ADGRG7: variants seen among roughly 807,000 people sequenced by gnomAD.
ADGRG7 encodes G-protein coupled receptor 128.
A neutral mutation model predicts 88.6 loss-of-function variants in ADGRG7; 82 were observed. The ratio of observed to expected loss-of-function variants is 0.93; its 90% CI spans 0.77 to 1.11. The LOEUF (loss-of-function observed/expected upper bound fraction) is 1.11. ADGRG7 is among the 50% of genes most tolerant of loss of function. ADGRG7 has a pLI of 0.00. For missense variants in ADGRG7, 945 were observed against 953.4 expected (o/e 0.99, Z 0.12); for synonymous variants, 381 against 345.2 (o/e 1.10, Z -1.15).
chr3:100,616,068 C>A (rs1406894799), intron 1 of ADGRG7, among the ~76,000 whole-genome samples: 3 of 152,134 alleles, frequency 2.0e-5, no homozygotes, highest in Non-Finnish European at 4.4e-5. Context: ...TCTGTCCTAC[C>A]TATACAGTAT....
At chr3:100,674,212 G>A (rs1469925682) in intron 15 of ADGRG7, among the ~76,000 whole-genome samples, 1 of 152,178 alleles carries the variant, frequency 6.6e-6, no homozygotes, top group Admixed American at 6.5e-5. Flanking sequence ...GTAATTTGAA[G>A]TCAAGTAATG....
chr3:100,643,326 T>G lies in ADGRG7; in HGVS notation c.759T>G (p.Pro253=). 6.2e-7 allele frequency: 1 copy of G among 1,614,076 alleles called. No individual in the cohort carries two copies. Among genetic ancestry groups the G allele is most frequent in the Non-Finnish European group, 8.5e-7 (1 of 1,179,918 alleles). Reference sequence around the variant, plus strand: ...TGGGTAATCAATCAGTGGTGGAACCTAACATAGCAATACAGTCAGCAAATT... The same window carrying G: ...TGGGTAATCAATCAGTGGTGGAACCGAACATAGCAATACAGTCAGCAAATT... The part of the protein sequence containing the change: ...LSLGNQSVVE[P]NIAIQSANFS... The change falls in exon 7 of 16, where the codon CCT becomes CCG. Residue 253 remains proline, a synonymous_variant. Coordinates refer to ENST00000273352, the MANE Select transcript of ADGRG7 (RefSeq NM_032787.3).
intron 13 of ADGRG7, 35 bp from the exon 14 acceptor site, chr3:100,659,653 T>C (rs2094942480): frequency 6.2e-7 from 1 of 1,604,896 alleles, no homozygotes; most frequent in African/African-American, 1.3e-5. Flanking sequence ...ATACCTTTCT[T>C]AGTCTGCTGA....
chr3:100,676,526 C>T (rs778836556), intron 15 of ADGRG7, among the ~76,000 whole-genome samples: 2 of 152,024 alleles, frequency 1.3e-5, no homozygotes, highest in Non-Finnish European at 2.9e-5. Flanking sequence ...AACATATGGT[C>T]TATATTTGAG....
intron 15 of ADGRG7, among the ~76,000 whole-genome samples, chr3:100,671,801 A>C (rs754090322): frequency 5.6e-4 from 86 of 152,274 alleles, no homozygotes; most frequent in Middle Eastern, 3.4e-3. Context: ...AGCACCATTT[A>C]TTAAATAGGG....
intron 15 of ADGRG7, among the ~76,000 whole-genome samples, chr3:100,683,195 G>T (rs1217711601): frequency 6.6e-6 from 1 of 152,208 alleles, no homozygotes; most frequent in Admixed American, 6.5e-5. Flanking sequence ...CATTCTGGAT[G>T]CAGGACAAGA....
Position 100,654,902 on chromosome 3 carries a change from C to A in ADGRG7, c.1447C>A (p.Leu483Ile). ...GTGCATATCAATGTTGATTTTCAAC[C>A]TCCTCTTTGTGTTTGGAATTGAAAA... ...NLCISMLIFN[L>I]LFVFGIENSN... The change falls in exon 12 of 16, where the codon CTC becomes ATC. Residue 483 changes from leucine to isoleucine, a missense_variant. By Grantham distance (5) the Leu-to-Ile change is conservative. Transcript: ENST00000273352. The A allele has an allele frequency of 6.2e-7, 1 of 1,613,814 alleles. No homozygotes were observed.
intron 5 of ADGRG7, among the ~76,000 whole-genome samples, chr3:100,636,468 C>T (rs1576318879): frequency 6.6e-6 from 1 of 152,084 alleles, no homozygotes; most frequent in Non-Finnish European, 1.5e-5. Context: ...TTTTAATTTG[C>T]TAAACCCTGG....
At chr3:100,654,570 G>C (rs2094934943) in intron 11 of ADGRG7, 1 of 291,900 alleles carries the variant, frequency 3.4e-6, no homozygotes, top group Non-Finnish European at 6.3e-6. Flanking sequence ...TTGGAGATTA[G>C]CTATCACTTT....
chr3:100,629,645 G>C lies in ADGRG7; in HGVS notation c.163G>C (p.Gly55Arg). ...SSTPTEFCRNGGTWENGRCIC... is the reference protein window; with the variant it reads ...SSTPTEFCRNRGTWENGRCIC... ...CACCCCTACAGAGTTCTGCAGGAAT[G>C]GTGGAACCTGGGAAAATGGCAGATG... The change falls in exon 2 of 16, where the codon GGT (glycine) becomes CGT (arginine). Residue 55 changes from glycine to arginine, a missense_variant. By Grantham distance (125) the Gly-to-Arg change is moderately radical (BLOSUM62 -2). Transcript: ENST00000273352. 3 of 1,613,348 alleles carry C rather than the reference G, an allele frequency of 1.9e-6. No homozygotes were observed. The highest frequency in any genetic ancestry group is 2.5e-6 in the Non-Finnish European group (3 of 1,179,478).
intron 10 of ADGRG7, among the ~76,000 whole-genome samples, chr3:100,649,165 G>A (rs2094924185): frequency 6.6e-6 from 1 of 152,146 alleles, no homozygotes; most frequent in Admixed American, 6.5e-5. Flanking sequence ...TAGACATCAA[G>A]GAAAAGTATA....
At chr3:100,647,751 A>G (rs113700552) in intron 10 of ADGRG7, among the ~76,000 whole-genome samples, 1 of 152,324 alleles carries the variant, frequency 6.6e-6, no homozygotes, top group African/African-American at 2.4e-5. Flanking sequence ...TTTTTTATAC[A>G]CAATGGAATG....
intron 4 of ADGRG7, among the ~76,000 whole-genome samples, chr3:100,635,161 C>T (rs1403499370): frequency 6.6e-6 from 1 of 152,056 alleles, no homozygotes; most frequent in Non-Finnish European, 1.5e-5. Flanking sequence ...CAGTGCCTTC[C>T]AAACTACCAG....
chr3:100,613,485 C>T (rs939068051), intron 1 of ADGRG7, among the ~76,000 whole-genome samples: 1 of 151,890 alleles, frequency 6.6e-6, no homozygotes, highest in Middle Eastern at 3.4e-3. Flanking sequence ...AATCTTTCTT[C>T]TGCTCCTTAA....
chr3:100,684,372 C>T (rs1380120085), intron 15 of ADGRG7, among the ~76,000 whole-genome samples: 1 of 151,798 alleles, frequency 6.6e-6, no homozygotes, highest in Non-Finnish European at 1.5e-5. Context: ...CAATTGATCC[C>T]CCCACCTCAA....
At chr3:100,691,193 G>A (rs71315207) in intron 15 of ADGRG7, among the ~76,000 whole-genome samples, 6 of 152,180 alleles carry the variant, frequency 3.9e-5, no homozygotes, top group Non-Finnish European at 5.9e-5. Context: ...CTGGTGTGCC[G>A]TTTGTTAAGC....
intron 1 of ADGRG7, among the ~76,000 whole-genome samples, chr3:100,610,855 C>T (rs1707137209): frequency 6.6e-6 from 1 of 152,172 alleles, no homozygotes. Context: ...GAGCAGGTAA[C>T]TGGGGAGGAC....
intron 15 of ADGRG7, among the ~76,000 whole-genome samples, chr3:100,682,337 A>G (rs1322384997): frequency 1.3e-5 from 2 of 152,096 alleles, no homozygotes; most frequent in African/African-American, 2.4e-5. Flanking sequence ...GCCAGGCCCG[A>G]GATGTAGAGC....
chr3:100,695,270 A>T lies in ADGRG7; in HGVS notation c.*269A>T, dbSNP rs997934205. 1 of 339,608 alleles carries T rather than the reference A, an allele frequency of 2.9e-6. No homozygotes were observed. The highest frequency in any genetic ancestry group is 5.3e-6 in the Non-Finnish European group (1 of 187,522). The allele number at this position is 339,608 out of a possible 1,614,324, so 21.0% of individuals were successfully genotyped here. A position where few individuals can be genotyped will look rare whatever the true frequency, so the allele number is the denominator to read the frequency against. Reference sequence around the variant, plus strand: ...TTCCTTATATCGTTAAATCTTTGTGACACACTTTGACAAAAATGTAGAACC... The same window carrying T: ...TTCCTTATATCGTTAAATCTTTGTGTCACACTTTGACAAAAATGTAGAACC... On this transcript the variant is annotated 3_prime_UTR_variant, in exon 16 of 16. Coordinates refer to ENST00000273352, the MANE Select transcript of ADGRG7 (RefSeq NM_032787.3).
Sources: gnomAD v4.1 joint callset for allele counts (sites outside exome capture counted in the v4.1 genomes callset) on GRCh38, gnomAD v4.1.1 for gene constraint, MANE v1.5 for transcripts, NCBI Gene and HGNC (gene_info 2026-07-23, HGNC 2026-07-21) for gene names.